LAMA2: variants seen among roughly 807,000 people sequenced by gnomAD.
The protein encoded by LAMA2 is laminin subunit alpha 2.
LAMA2 carries 269 observed loss-of-function variants against 364.8 expected under a neutral mutation model. The ratio of observed to expected loss-of-function variants is 0.74; its 90% CI spans 0.67 to 0.82. The LOEUF (loss-of-function observed/expected upper bound fraction) is 0.82. LAMA2 is among the 40% of genes least tolerant of loss of function. The pLI is 0.00. For synonymous variants in LAMA2, 1,379 were observed against 1,370.6 expected, an observed-to-expected ratio of 1.01 and a Z score of -0.14; for missense variants, 3,807 against 3,873.2, an observed-to-expected ratio of 0.98 and a Z score of 0.45.
intron 3 of LAMA2, among the ~76,000 whole-genome samples, chr6:129,077,965 C>T (rs190214615): frequency 3.3e-5 from 5 of 152,210 alleles, no homozygotes; most frequent in African/African-American, 7.2e-5. Flanking sequence ...ACCCGCAGGA[C>T]GTGCAAGGCC....
chr6:128,988,335 G>T (rs1783398507), intron 1 of LAMA2, among the ~76,000 whole-genome samples: 1 of 151,950 alleles, frequency 6.6e-6, no homozygotes, highest in Admixed American at 6.6e-5. Context: ...ACCAACACAT[G>T]GGGTAAGAAT....
At chr6:129,226,534 C>G (rs1489580950) in intron 12 of LAMA2, among the ~76,000 whole-genome samples, 1 of 152,018 alleles carries the variant, frequency 6.6e-6, no homozygotes, top group Non-Finnish European at 1.5e-5. Context: ...CTGGTGGTGA[C>G]AAAATCTCTC....
chr6:129,032,468 A>G (rs148594945), intron 1 of LAMA2, among the ~76,000 whole-genome samples: 246 of 152,312 alleles, frequency 1.6e-3, no homozygotes, highest in African/African-American at 5.8e-3. Context: ...TTTCTAGACA[A>G]GCCCTAAGCA....
At chr6:129,301,038 G>A (rs1035939415) in intron 22 of LAMA2, among the ~76,000 whole-genome samples, 166 bp downstream of exon 22, 2 of 152,128 alleles carry the variant, frequency 1.3e-5, no homozygotes, top group Non-Finnish European at 2.9e-5. Context: ...TTTACTTGTA[G>A]GAAAGATGAT....
intron 29 of LAMA2, among the ~76,000 whole-genome samples, chr6:129,340,513 A>T (rs1776199453): frequency 6.6e-6 from 1 of 152,138 alleles, no homozygotes; most frequent in African/African-American, 2.4e-5. Context: ...AAACCAAGGG[A>T]GCATCCAAAT....
Position 129,260,704 on chromosome 6 carries a change from G to C in LAMA2, c.2097-7G>C, listed in dbSNP as rs1433541404. ...TTATTCACCATCTCTTTTTTCCTCT[G>C]CCATAGGTTGAGCTCTGTTAACCTT... On this transcript the variant is annotated splice_region_variant and splice_polypyrimidine_tract_variant and intron_variant, in intron 14 of 64. Coordinates refer to ENST00000421865, the MANE Select transcript of LAMA2 (RefSeq NM_000426.4). The C allele has an allele frequency of 1.3e-6, 2 of 1,559,552 alleles. No individual in the cohort carries two copies. The highest frequency in any genetic ancestry group is 2.7e-5 in the African/African-American group (2 of 73,670).
intron 6 of LAMA2, among the ~76,000 whole-genome samples, chr6:129,147,753 A>AT (rs1182954349): frequency 6.6e-6 from 1 of 151,820 alleles, no homozygotes; most frequent in South Asian, 2.1e-4. Flanking sequence ...CGGGCCACAG[A>AT]TTTTTTTTCT....
intron 2 of LAMA2, among the ~76,000 whole-genome samples, chr6:129,057,204 ATTTAT>A (rs1397448790): frequency 3.9e-5 from 6 of 152,136 alleles, no homozygotes; most frequent in Admixed American, 1.3e-4. Context: ...TAGATGTATC[ATTTAT>A]TTTATGTATA....
intron 1 of LAMA2, among the ~76,000 whole-genome samples, chr6:128,922,170 C>A (rs4521616): frequency 4.6e-5 from 7 of 151,854 alleles, no homozygotes; most frequent in African/African-American, 1.5e-4. Flanking sequence ...ATAAACATAC[C>A]TGTGTATGTG....
At chr6:129,334,788 G>T (rs1471075251) in intron 29 of LAMA2, among the ~76,000 whole-genome samples, 4 of 152,056 alleles carry the variant, frequency 2.6e-5, no homozygotes, top group African/African-American at 7.2e-5. Context: ...GTCTTCACGT[G>T]TTGGAAGGCA....
chr6:129,496,175 CTGTT>C (rs1341236704), intron 58 of LAMA2, among the ~76,000 whole-genome samples: 1 of 151,606 alleles, frequency 6.6e-6, no homozygotes, highest in Non-Finnish European at 1.5e-5. Context: ...GTTTGTTTGT[CTGTT>C]TTTTGAGATG....
rs1776728397 is a variant in LAMA2, at chr6:129,349,296, A to C, written c.4437-2A>C. Reference sequence around the variant, plus strand: ...TTTGCAATCCTTTTCTTTCTGATTCAGTTTCAGCCCCTCTTGTGTCGCAGA... The same window carrying C: ...TTTGCAATCCTTTTCTTTCTGATTCCGTTTCAGCCCCTCTTGTGTCGCAGA... On this transcript the variant is annotated splice_acceptor_variant, in intron 30 of 64. Transcript: ENST00000421865. LOFTEE classifies it high-confidence loss of function. 1 of 1,612,490 alleles carries C rather than the reference A, an allele frequency of 6.2e-7. No homozygotes were observed. The highest frequency in any genetic ancestry group is 8.5e-7 in the Non-Finnish European group (1 of 1,178,680).
intron 8 of LAMA2, among the ~76,000 whole-genome samples, chr6:129,161,863 T>C (rs946619695): frequency 4.6e-5 from 7 of 152,346 alleles, no homozygotes; most frequent in Non-Finnish European, 8.8e-5. Context: ...TAGTATTCCA[T>C]GGTGTATATG....
intron 1 of LAMA2, among the ~76,000 whole-genome samples, chr6:128,989,694 T>C (rs1413070990): frequency 1.3e-5 from 2 of 152,220 alleles, no homozygotes; most frequent in Non-Finnish European, 2.9e-5. Context: ...GTAGATAATT[T>C]GCTGAATAGA....
At chr6:129,052,016 TAG>T (rs1788085880) in intron 2 of LAMA2, among the ~76,000 whole-genome samples, 9 of 146,462 alleles carry the variant, frequency 6.1e-5, no homozygotes, top group South Asian at 2.2e-4. Flanking sequence ...TATATATATG[TAG>T]AGAGAGAGAG....
intron 12 of LAMA2, among the ~76,000 whole-genome samples, chr6:129,210,876 C>T (rs558756959): frequency 1.6e-4 from 24 of 152,134 alleles, no homozygotes; most frequent in Middle Eastern, 3.4e-3. Context: ...CTACAGTGGT[C>T]GACAGAGTTC....
At chr6:129,396,405 A>G (rs1779620041) in intron 37 of LAMA2, among the ~76,000 whole-genome samples, 1 of 152,194 alleles carries the variant, frequency 6.6e-6, no homozygotes, top group Non-Finnish European at 1.5e-5. Flanking sequence ...TGGAAGAAAG[A>G]CAGAGCAACA....
chr6:129,172,310 CT>C (rs1367000242), intron 9 of LAMA2, among the ~76,000 whole-genome samples: 1 of 152,102 alleles, frequency 6.6e-6, no homozygotes, highest in Non-Finnish European at 1.5e-5. Flanking sequence ...GTGGTTTTAT[CT>C]ACTTTTGGTC....
intron 1 of LAMA2, among the ~76,000 whole-genome samples, chr6:128,916,840 C>T (rs1056190573): frequency 1.3e-5 from 2 of 152,148 alleles, no homozygotes; most frequent in Non-Finnish European, 2.9e-5. Context: ...TGTTGGCCCT[C>T]CAGCTGGATC....
Sources: gnomAD v4.1 joint callset for allele counts (sites outside exome capture counted in the v4.1 genomes callset) on GRCh38, gnomAD v4.1.1 for gene constraint, MANE v1.5 for transcripts, NCBI Gene and HGNC (gene_info 2026-07-23, HGNC 2026-07-21) for gene names.